The following DLGAP1 variants were observed in gnomAD, a reference collection of about 807,000 sequenced individuals.
DLGAP1 encodes the protein disks large-associated protein 1.
A neutral mutation model predicts 90.8 loss-of-function variants in DLGAP1; 11 were observed. The observed-to-expected ratio is 0.12, with a 90% CI of 0.08 to 0.20. The LOEUF is 0.20. Ranked by LOEUF, DLGAP1 falls within the 10% of genes least tolerant of loss-of-function variation. DLGAP1 has a pLI of 1.00. For synonymous variants in DLGAP1, 558 were observed against 540.7 expected, an observed-to-expected ratio of 1.03 and a Z score of -0.44; for missense variants, 1,050 against 1,333.8, an observed-to-expected ratio of 0.79 and a Z score of 3.31.
intron 5 of DLGAP1, among the ~76,000 whole-genome samples, chr18:3,799,324 C>A (rs1293503089): frequency 6.6e-6 from 1 of 152,112 alleles, no homozygotes; most frequent in African/African-American, 2.4e-5. Context: ...ACCCTACAGG[C>A]ATGGGTGCTA....
chr18:4,212,174 C>T (rs117771178), intron 1 of DLGAP1, among the ~76,000 whole-genome samples: 1 of 152,130 alleles, frequency 6.6e-6, no homozygotes, highest in Non-Finnish European at 1.5e-5. Flanking sequence ...GGTTGTTGCC[C>T]AATGCATAGC....
chr18:3,578,409 TGC>T (rs933444922), intron 8 of DLGAP1, among the ~76,000 whole-genome samples: 1 of 150,962 alleles, frequency 6.6e-6, no homozygotes, highest in African/African-American at 2.4e-5. Context: ...CAGGCTGGAG[TGC>T]AGTGGTACAA....
At chr18:4,269,447 G>A (rs1046752194) in intron 1 of DLGAP1, among the ~76,000 whole-genome samples, 35 of 150,374 alleles carry the variant, frequency 2.3e-4, no homozygotes, top group Admixed American at 3.3e-4. Context: ...TCTGCCTGCC[G>A]GGCTCACGCC....
At chr18:4,120,419 T>C (rs2076133552) in intron 2 of DLGAP1, among the ~76,000 whole-genome samples, 1 of 152,186 alleles carries the variant, frequency 6.6e-6, no homozygotes, top group African/African-American at 2.4e-5. Context: ...AAAAAGTGAA[T>C]TGCACATCAC....
intron 7 of DLGAP1, among the ~76,000 whole-genome samples, chr18:3,622,843 C>T (rs893595781): frequency 2.6e-5 from 4 of 151,796 alleles, no homozygotes; most frequent in Non-Finnish European, 4.4e-5. Flanking sequence ...CTCTCTCTGT[C>T]GCCCAGGCTG....
At chr18:4,451,145 T>C (rs372409731) in intron 1 of DLGAP1, among the ~76,000 whole-genome samples, 6 of 152,308 alleles carry the variant, frequency 3.9e-5, no homozygotes, top group African/African-American at 1.4e-4. Context: ...ACAACAGCTA[T>C]CTGTCCCCTA....
intron 1 of DLGAP1, among the ~76,000 whole-genome samples, chr18:4,324,488 G>A (rs604282): frequency 0.36 from 54,582 of 151,402 alleles, 10,470 homozygotes; most frequent in African/African-American, 0.51. Flanking sequence ...AAAAATTGAG[G>A]AGCAGGGACT....
chr18:4,054,409 A>G (rs1170154259), intron 2 of DLGAP1, among the ~76,000 whole-genome samples: 1 of 152,226 alleles, frequency 6.6e-6, no homozygotes. Flanking sequence ...CAAGTTGAAA[A>G]GAATCATTGT....
intron 2 of DLGAP1, among the ~76,000 whole-genome samples, chr18:4,089,539 T>G (rs1443534084): frequency 2.6e-5 from 4 of 152,172 alleles, no homozygotes; most frequent in Non-Finnish European, 5.9e-5. Flanking sequence ...TCCCACCATC[T>G]GATTTCAAAC....
At chr18:3,811,833 A>G (rs971260847) in intron 5 of DLGAP1, among the ~76,000 whole-genome samples, 1 of 152,236 alleles carries the variant, frequency 6.6e-6, no homozygotes, top group African/African-American at 2.4e-5. Flanking sequence ...AAGCTATGAG[A>G]GTAGCCCAGG....
At chr18:4,200,883 G>A (rs2077594396) in intron 1 of DLGAP1, among the ~76,000 whole-genome samples, 1 of 151,984 alleles carries the variant, frequency 6.6e-6, no homozygotes, top group Non-Finnish European at 1.5e-5. Flanking sequence ...CTGACATAAA[G>A]GATTTATTTC....
intron 1 of DLGAP1, among the ~76,000 whole-genome samples, chr18:4,205,478 C>T (rs1378033809): frequency 6.6e-6 from 1 of 152,166 alleles, no homozygotes; most frequent in East Asian, 1.9e-4. Flanking sequence ...CTACCTGTGG[C>T]CATTTACATT....
chr18:3,558,791 T>C (rs1019865125), intron 9 of DLGAP1, among the ~76,000 whole-genome samples: 22 of 152,326 alleles, frequency 1.4e-4, no homozygotes, highest in African/African-American at 5.3e-4. Flanking sequence ...AGACAACATA[T>C]AGTTAAGTCT....
intron 1 of DLGAP1, among the ~76,000 whole-genome samples, chr18:4,387,074 C>T (rs2082243893): frequency 6.6e-6 from 1 of 152,088 alleles, no homozygotes; most frequent in East Asian, 1.9e-4. Flanking sequence ...ATTTAGGGAC[C>T]ACCCATTGTG....
At chr18:4,371,142 AT>A (rs1241412695) in intron 1 of DLGAP1, among the ~76,000 whole-genome samples, 2 of 152,210 alleles carry the variant, frequency 1.3e-5, no homozygotes, top group Non-Finnish European at 2.9e-5. Flanking sequence ...TCTTAAGTAC[AT>A]TTGCAGGTGT....
intron 9 of DLGAP1, among the ~76,000 whole-genome samples, chr18:3,543,166 A>ATTTTTTTTTTTTTTTTTTTTTTTT (rs76751283): frequency 1.6e-5 from 1 of 64,126 alleles, no homozygotes; most frequent in African/African-American, 3.9e-5. Context: ...CATGACTCCA[A>ATTTTTTTTTTTTTTTTTTTTTTTT]TTTTTTTTTT....
intron 10 of DLGAP1, among the ~76,000 whole-genome samples, chr18:3,514,294 A>C (rs936012178): frequency 1.3e-5 from 2 of 152,090 alleles, no homozygotes; most frequent in Admixed American, 1.3e-4. Flanking sequence ...TCTAATTCTT[A>C]CATGATGCTA....
At position 3,882,226 on chromosome 18, in the gene DLGAP1, A is replaced by G. The variant is rs548169289; in HGVS notation, c.-72-2086T>C. ...ATCATATATCTCTTCTTCCTAGTTT[A>G]AGGTTTCTGGTTGAGTATTTACGCA... On this transcript the variant is annotated intron_variant, in intron 3 of 12. Transcript: ENST00000315677. 5.9e-5 allele frequency among the ~76,000 whole-genome samples: 9 copies of G among 152,168 alleles called. No homozygotes were observed. The East Asian group carries it at 1.4e-3, about 23-fold the overall frequency.
intron 7 of DLGAP1, among the ~76,000 whole-genome samples, chr18:3,613,901 A>G (rs1675254): frequency 0.67 from 101,240 of 151,946 alleles, 34,821 homozygotes; most frequent in African/African-American, 0.84. Context: ...CAAAGAAGCC[A>G]CAGCAGCTAC....
Sources: gnomAD v4.1 joint callset for allele counts (sites outside exome capture counted in the v4.1 genomes callset) on GRCh38, gnomAD v4.1.1 for gene constraint, MANE v1.5 for transcripts, NCBI Gene and HGNC (gene_info 2026-07-23, HGNC 2026-07-21) for gene names.